PCDHA4: variants seen among roughly 807,000 people sequenced by gnomAD.
PCDHA4 encodes protocadherin alpha 4.
Under a neutral mutation model 61.4 loss-of-function variants are expected in PCDHA4, and 49 were observed. That is an observed-to-expected ratio of 0.80 (90% CI 0.63 to 1.01). PCDHA4 has a LOEUF of 1.01. Among genes scored for constraint, PCDHA4 ranks in the 50% least tolerant of loss-of-function variants. The pLI is 0.00. For synonymous variants in PCDHA4, 590 were observed against 550.3 expected (o/e 1.07, Z -1.01); for missense variants, 1,254 against 1,235.8 (o/e 1.01, Z -0.22).
chr5:140,912,260 C>T (rs1451576363), intron 1 of PCDHA4, among the ~76,000 whole-genome samples: 2 of 152,160 alleles, frequency 1.3e-5, no homozygotes, highest in African/African-American at 4.8e-5. Context: ...TTTGATGACA[C>T]CCTCACAGAT....
intron 1 of PCDHA4, chr5:140,882,663 T>C (rs782768442): frequency 4.0e-5 from 65 of 1,614,026 alleles, no homozygotes; most frequent in Non-Finnish European, 5.3e-5. Flanking sequence ...AACCCGCCCA[T>C]ATTCCCTGAA....
chr5:140,836,237 G>C (rs2150256194), intron 1 of PCDHA4: 6 of 1,613,720 alleles, frequency 3.7e-6, no homozygotes, highest in Non-Finnish European at 5.1e-6. Flanking sequence ...CGGCCGGTGC[G>C]AGCATCCCGT....
At chr5:140,974,731 C>T (rs2096638633) in intron 1 of PCDHA4, among the ~76,000 whole-genome samples, 1 of 152,140 alleles carries the variant, frequency 6.6e-6, no homozygotes, top group Non-Finnish European at 1.5e-5. Context: ...GAACTCCTGT[C>T]TCCACCTTGG....
intron 1 of PCDHA4, among the ~76,000 whole-genome samples, chr5:140,831,411 G>A (rs1771518698): frequency 6.6e-6 from 1 of 151,592 alleles, no homozygotes; most frequent in South Asian, 2.1e-4. Context: ...CCATGCTGGA[G>A]TACAGTGGTG....
rs2150243130 is a variant in PCDHA4 at position 140,835,724 on chromosome 5, C to G, written c.2385+26152C>G. The stretch of plus-strand genomic sequence containing the variant: ...CTAGCGTGTCCGTGGAGGTGGCCGA[C>G]GTGAACGACAACGCCCCGGCGTTCG... On this transcript the variant is annotated intron_variant, in intron 1 of 3. Coordinates refer to ENST00000530339, the MANE Select transcript of PCDHA4 (RefSeq NM_018907.4). 7 of 1,613,752 alleles carry G rather than the reference C, an allele frequency of 4.3e-6. No homozygotes were observed. The highest frequency in any genetic ancestry group is 2.2e-5 in the South Asian group (2 of 91,080).
In PCDHA4 at chr5:140,919,817, T is replaced by C. The variant is rs889103078; in HGVS notation, c.2386-59132T>C. Among the ~76,000 whole-genome samples the C allele has an allele frequency of 4.6e-5, 7 of 152,350 alleles. No homozygotes were observed. In the South Asian group the frequency reaches 1.0e-3, roughly 23 times the overall value. On this transcript the variant is annotated intron_variant, in intron 1 of 3. Coordinates refer to ENST00000530339, the MANE Select transcript of PCDHA4 (RefSeq NM_018907.4). ...TGGATTGAATTGTGGGCCTCAAAAA[T>C]ATATGTCCACATAGTAACCTTTGGA...
At chr5:140,855,984 A>G in intron 1 of PCDHA4, 1 of 1,472,240 alleles carries the variant, frequency 6.8e-7, no homozygotes, top group East Asian at 2.3e-5. Flanking sequence ...AGGACAGAAA[A>G]TGTCAGATCG....
intron 1 of PCDHA4, among the ~76,000 whole-genome samples, chr5:140,948,886 T>C (rs892848820): frequency 6.6e-6 from 1 of 151,684 alleles, no homozygotes; most frequent in Non-Finnish European, 1.5e-5. Context: ...TGCTCTCTTT[T>C]AGATTTTAAG....
At chr5:140,846,406 G>A (rs1191758509) in intron 1 of PCDHA4, among the ~76,000 whole-genome samples, 1 of 111,134 alleles carries the variant, frequency 9.0e-6, no homozygotes, top group Non-Finnish European at 1.7e-5. Flanking sequence ...ACGGAGTCTC[G>A]CTCTATCTCC....
chr5:140,827,752 C>T (rs1357431971), intron 1 of PCDHA4, among the ~76,000 whole-genome samples: 2 of 152,200 alleles, frequency 1.3e-5, no homozygotes, highest in African/African-American at 2.4e-5. Context: ...AGATCCCTTA[C>T]TTTAAATTAA....
At chr5:140,882,058 C>G (rs1190027185) in intron 1 of PCDHA4, 4 of 794,854 alleles carry the variant, frequency 5.0e-6, no homozygotes, top group Non-Finnish European at 7.7e-6. Flanking sequence ...CTTACACTTA[C>G]ACGTTCATGC....
At position 140,836,743 on chromosome 5, in the gene PCDHA4, G is replaced by A. The variant is rs143805132; in HGVS notation, c.2385+27171G>A. The A allele has an allele frequency of 3.8e-4, 606 of 1,593,492 alleles. 2 individuals carry two copies. Among genetic ancestry groups the A allele is most frequent in the Non-Finnish European group, 4.1e-4 (480 of 1,171,798 alleles). ...GGTCCATCCTCTACAGACAATGTGA[G>A]TCATAAATAATCTTGTTTCCAACAA... On this transcript the variant is annotated intron_variant, in intron 1 of 3. Transcript: ENST00000530339.
At chr5:140,870,092 C>T (rs2051656113) in intron 1 of PCDHA4, 2 of 1,613,728 alleles carry the variant, frequency 1.2e-6, no homozygotes, top group African/African-American at 1.3e-5. Context: ...CCCCCAATGG[C>T]AGGTCACTGT....
At chr5:140,876,443 A>C in intron 1 of PCDHA4, 1 of 1,614,012 alleles carries the variant, frequency 6.2e-7, no homozygotes, top group Non-Finnish European at 8.5e-7. Context: ...AACGCCATTG[A>C]TAAAGGGATT....
At chr5:140,850,328 GCAGCC>G (rs2150480020) in intron 1 of PCDHA4, 3 of 1,597,678 alleles carry the variant, frequency 1.9e-6, no homozygotes, top group South Asian at 2.2e-5. Context: ...CATACGAGCT[GCAGCC>G]AGAAACGGCC....
At chr5:140,828,051 C>G in intron 1 of PCDHA4, 3 of 1,545,276 alleles carry the variant, frequency 1.9e-6, no homozygotes, top group Non-Finnish European at 2.6e-6. Flanking sequence ...TATCTTTATG[C>G]GGAAGATCTT....
rs550398364 is a variant in PCDHA4, at chr5:140,897,290, G to A, written c.2386-81659G>A. Among the ~76,000 whole-genome samples the A allele has an allele frequency of 1.2e-4, 18 of 150,778 alleles. No homozygotes were observed. In the East Asian group the frequency reaches 1.4e-3, roughly 11 times the overall value. On this transcript the variant is annotated intron_variant, in intron 1 of 3. Coordinates refer to ENST00000530339, the MANE Select transcript of PCDHA4 (RefSeq NM_018907.4). ...GCTGGTGTGCTGCACCCATTAACTC[G>A]TCATTTAGCATTAGGTATATCTCCT...
At chr5:140,900,199 G>C (rs1383731759) in intron 1 of PCDHA4, among the ~76,000 whole-genome samples, 1 of 152,172 alleles carries the variant, frequency 6.6e-6, no homozygotes, top group Non-Finnish European at 1.5e-5. Context: ...ATGACATCCA[G>C]TTTCATCCAG....
intron 3 of PCDHA4, among the ~76,000 whole-genome samples, chr5:140,994,758 G>A (rs150618369): frequency 1.3e-5 from 2 of 152,248 alleles, no homozygotes; most frequent in East Asian, 3.9e-4. Flanking sequence ...GATGTGGAGA[G>A]GAAGAGAATT....
Sources: gnomAD v4.1 joint callset for allele counts (sites outside exome capture counted in the v4.1 genomes callset) on GRCh38, gnomAD v4.1.1 for gene constraint, MANE v1.5 for transcripts, NCBI Gene and HGNC (gene_info 2026-07-23, HGNC 2026-07-21) for gene names.